Variants in VKORC1L1 observed in about 807,000 individuals in gnomAD.
VKORC1L1 encodes vitamin K epoxide reductase complex subunit 1-like protein 1.
VKORC1L1 carries 2 observed loss-of-function variants against 18.9 expected under a neutral mutation model. The observed-to-expected ratio is 0.11, with a 90% CI of 0.04 to 0.33. The LOEUF (loss-of-function observed/expected upper bound fraction) is 0.33, where lower values mean the gene tolerates loss of function less well. Among genes scored for constraint, VKORC1L1 ranks in the 10% least tolerant of loss-of-function variants. The probability of loss-of-function intolerance (pLI) is 1.00; values close to 1 mark genes in which losing one functional copy is unlikely to be tolerated. For synonymous variants in VKORC1L1, 96 were observed against 100.0 expected, an observed-to-expected ratio of 0.96 and a Z score of 0.24; for missense variants, 123 against 224.1, an observed-to-expected ratio of 0.55 and a Z score of 2.88.
intron 1 of VKORC1L1, among the ~76,000 whole-genome samples, chr7:65,903,935 GA>G (rs953353584): frequency 6.6e-6 from 1 of 152,138 alleles, no homozygotes; most frequent in Non-Finnish European, 1.5e-5. Flanking sequence ...GTAAACATAA[GA>G]ATTTTTTTTC....
intron 1 of VKORC1L1, among the ~76,000 whole-genome samples, chr7:65,932,894 A>G (rs1446330394): frequency 1.3e-5 from 2 of 152,078 alleles, no homozygotes; most frequent in Non-Finnish European, 2.9e-5. Flanking sequence ...CCTGGCCAAG[A>G]TGATGAAACC....
At chr7:65,886,696 C>T (rs1789017659) in intron 1 of VKORC1L1, among the ~76,000 whole-genome samples, 1 of 151,872 alleles carries the variant, frequency 6.6e-6, no homozygotes, top group African/African-American at 2.4e-5. Context: ...TGCCACCATG[C>T]CCGGCTAATT....
chr7:65,941,075 A>T lies in VKORC1L1; in HGVS notation c.195-7596A>T, dbSNP rs143888265. Among the ~76,000 whole-genome samples, 54 of 152,242 alleles carry T rather than the reference A, an allele frequency of 3.5e-4. No homozygotes were observed. The East Asian group carries it at 7.1e-3, about 20-fold the overall frequency. On this transcript the variant is annotated intron_variant, in intron 1 of 2. Coordinates refer to ENST00000360768, the MANE Select transcript of VKORC1L1 (RefSeq NM_173517.6). ...GAGGAAAGAAGAGGTGTTTAATTGC[A>T]TTGGGGCACAGACAGGGGCTAGCAA...
intron 1 of VKORC1L1, among the ~76,000 whole-genome samples, chr7:65,924,768 TAAC>T (rs1423374600): frequency 6.6e-6 from 1 of 152,204 alleles, no homozygotes; most frequent in Non-Finnish European, 1.5e-5. Context: ...GCAGATGTGG[TAAC>T]AAATGATGAA....
At chr7:65,952,829 A>G (rs186216044) in intron 2 of VKORC1L1, among the ~76,000 whole-genome samples, 2 of 111,422 alleles carry the variant, frequency 1.8e-5, no homozygotes, top group East Asian at 5.9e-4. Context: ...TCTGTCGCCC[A>G]GGCTGGAGTC....
At chr7:65,937,507 C>T (rs1789963296) in intron 1 of VKORC1L1, among the ~76,000 whole-genome samples, 1 of 152,186 alleles carries the variant, frequency 6.6e-6, no homozygotes, top group Non-Finnish European at 1.5e-5. Context: ...GATCCTCCCA[C>T]CTCAGCCTCC....
At chr7:65,945,078 T>G (rs1790096530) in intron 1 of VKORC1L1, among the ~76,000 whole-genome samples, 1 of 151,380 alleles carries the variant, frequency 6.6e-6, no homozygotes. Context: ...CTGGCCAACA[T>G]GGTGAAACCC....
At chr7:65,941,985 A>G (rs1459428933) in intron 1 of VKORC1L1, among the ~76,000 whole-genome samples, 1 of 152,132 alleles carries the variant, frequency 6.6e-6, no homozygotes, top group Non-Finnish European at 1.5e-5. Flanking sequence ...TCATCCGGCT[A>G]CTGATTCACG....
Position 65,893,792 on chromosome 7 carries a change from C to T in VKORC1L1, c.194+20227C>T, listed in dbSNP as rs192092666. Among the ~76,000 whole-genome samples, 28 of 152,274 alleles carry T rather than the reference C, an allele frequency of 1.8e-4. No individual in the cohort carries two copies. The East Asian group carries it at 2.9e-3, about 16-fold the overall frequency. The stretch of plus-strand genomic sequence containing the variant: ...CAAACCAAAAAGTTTGAGAATCACT[C>T]GTCTAGTTTTATGTCTTGATATCCA... On this transcript the variant is annotated intron_variant, in intron 1 of 2. Coordinates refer to ENST00000360768, the MANE Select transcript of VKORC1L1 (RefSeq NM_173517.6).
At chr7:65,916,116 A>T (rs539980500) in intron 1 of VKORC1L1, among the ~76,000 whole-genome samples, 166 of 79,078 alleles carry the variant, frequency 2.1e-3, no homozygotes, top group African/African-American at 6.3e-3. Flanking sequence ...GTCTAAAATT[A>T]AAAAAAAAAA....
chr7:65,877,351 T>A (rs1325020189), intron 1 of VKORC1L1, among the ~76,000 whole-genome samples: 32 of 132,532 alleles, frequency 2.4e-4, no homozygotes, highest in African/African-American at 7.3e-4. Flanking sequence ...CAGAATATTC[T>A]TTTTTTTTTT....
At chr7:65,939,812 A>G (rs1377886558) in intron 1 of VKORC1L1, among the ~76,000 whole-genome samples, 1 of 152,160 alleles carries the variant, frequency 6.6e-6, no homozygotes, top group Non-Finnish European at 1.5e-5. Flanking sequence ...GCTTCAGACA[A>G]TACTCATGTG....
chr7:65,944,525 C>G (rs1790086244), intron 1 of VKORC1L1, among the ~76,000 whole-genome samples: 1 of 151,910 alleles, frequency 6.6e-6, no homozygotes, highest in Admixed American at 6.6e-5. Context: ...TACCCTTTCT[C>G]TTTACCATAG....
At chr7:65,904,782 TTAAATG>T (rs1305016218) in intron 1 of VKORC1L1, among the ~76,000 whole-genome samples, 1 of 152,144 alleles carries the variant, frequency 6.6e-6, no homozygotes, top group Non-Finnish European at 1.5e-5. Context: ...CATTATCACA[TTAAATG>T]TAAATGGTCT....
At chr7:65,895,510 T>TATAC (rs1554395151) in intron 1 of VKORC1L1, among the ~76,000 whole-genome samples, 2 of 88,416 alleles carry the variant, frequency 2.3e-5, no homozygotes, top group African/African-American at 4.1e-5. Flanking sequence ...TATATATATA[T>TATAC]ATATATACAC....
At chr7:65,879,258 GTAGT>G (rs1156557267) in intron 1 of VKORC1L1, among the ~76,000 whole-genome samples, 3 of 152,092 alleles carry the variant, frequency 2.0e-5, no homozygotes, top group Non-Finnish European at 4.4e-5. Flanking sequence ...ATTTGTTCTA[GTAGT>G]TTTGACTAAC....
At chr7:65,866,705 G>T in the VKORC1L1 span, among the ~76,000 whole-genome samples, 1 of 152,070 alleles carries the variant, frequency 6.6e-6, no homozygotes, top group Non-Finnish European at 1.5e-5. Context: ...AGCCCAAAAG[G>T]TTGAGGCTGG....
At chr7:65,926,065 T>C (rs1789757622) in intron 1 of VKORC1L1, among the ~76,000 whole-genome samples, 1 of 152,134 alleles carries the variant, frequency 6.6e-6, no homozygotes, top group South Asian at 2.1e-4. Context: ...CTGTAATTAT[T>C]CACCTATGGT....
intron 1 of VKORC1L1, among the ~76,000 whole-genome samples, chr7:65,894,670 G>A (rs1249537326): frequency 1.3e-5 from 2 of 152,204 alleles, no homozygotes; most frequent in East Asian, 3.9e-4. Context: ...GGAGGTTGCA[G>A]TGAGCCGAGA....
Sources: allele counts gnomAD v4.1 joint callset (sites outside exome capture counted in the v4.1 genomes callset), GRCh38; gene constraint gnomAD v4.1.1; transcripts MANE v1.5; gene names NCBI Gene and HGNC (gene_info 2026-07-23, HGNC 2026-07-21).